NVL: variants seen among roughly 807,000 people sequenced by gnomAD.
NVL encodes the protein nuclear VCP like, also known as nuclear valosin-containing protein-like.
Under a neutral mutation model 110.2 loss-of-function variants are expected in NVL, and 84 were observed. The observed-to-expected ratio is 0.76, with a 90% confidence interval of 0.64 to 0.91. NVL has a LOEUF of 0.91. Among genes scored for constraint, NVL ranks in the 40% least tolerant of loss-of-function variants. The probability of loss-of-function intolerance (pLI) is 0.00; values close to 1 mark genes in which losing one functional copy is unlikely to be tolerated. For synonymous variants in NVL, 354 were observed against 361.1 expected, an observed-to-expected ratio of 0.98 and a Z score of 0.22; for missense variants, 882 against 1,035.9, an observed-to-expected ratio of 0.85 and a Z score of 2.04.
intron 15 of NVL, among the ~76,000 whole-genome samples, chr1:224,282,007 A>C (rs981089302): frequency 1.2e-4 from 18 of 151,430 alleles, no homozygotes; most frequent in Non-Finnish European, 2.2e-4. Context: ...GGATAAAGGG[A>C]AAATCAAAGG....
intron 15 of NVL, among the ~76,000 whole-genome samples, chr1:224,285,659 CAAGA>C (rs1443922993): frequency 1.3e-5 from 2 of 151,576 alleles, no homozygotes; most frequent in Non-Finnish European, 2.9e-5. Flanking sequence ...AAAATAATTA[CAAGA>C]AATATAGAGG....
intron 18 of NVL, among the ~76,000 whole-genome samples, chr1:224,259,361 G>A (rs1200554778): frequency 6.6e-6 from 1 of 152,144 alleles, no homozygotes; most frequent in East Asian, 1.9e-4. Flanking sequence ...AAAGTGCTGG[G>A]ATTACAGGCA....
intron 22 of NVL, 149 bp downstream of exon 22, chr1:224,231,077 G>A (rs927205178): frequency 4.7e-5 from 26 of 558,172 alleles, no homozygotes; most frequent in South Asian, 2.0e-4. Context: ...AGCTTGCAGT[G>A]AGCAGAGATC....
At chr1:224,240,335 C>T (rs1245472195) in intron 19 of NVL, among the ~76,000 whole-genome samples, 2 of 152,136 alleles carry the variant, frequency 1.3e-5, no homozygotes, top group African/African-American at 4.8e-5. Flanking sequence ...TCCCAAAGTG[C>T]TAGGATTACA....
intron 5 of NVL, 72 bp downstream of exon 5, chr1:224,311,728 G>T: frequency 8.4e-7 from 1 of 1,183,498 alleles, no homozygotes; most frequent in Non-Finnish European, 1.3e-6. Flanking sequence ...CTAATACTGA[G>T]TTTTTCAAGG....
At chr1:224,270,220 A>C (rs1664946958) in intron 17 of NVL, among the ~76,000 whole-genome samples, 1 of 152,222 alleles carries the variant, frequency 6.6e-6, no homozygotes, top group Admixed American at 6.5e-5. Context: ...AGACAAACTC[A>C]GAGTCAATAC....
chr1:224,318,125 A>T (rs542345252), intron 2 of NVL, among the ~76,000 whole-genome samples, 195 bp from the exon 3 acceptor site: 1 of 142,224 alleles, frequency 7.0e-6, no homozygotes, highest in East Asian at 2.1e-4. Context: ...CCCCTTTTTT[A>T]AACTAACCTT....
At chr1:224,306,840 A>G (rs80196466) in intron 6 of NVL, among the ~76,000 whole-genome samples, 2,872 of 152,236 alleles carry the variant, frequency 0.019, 30 homozygotes, top group Non-Finnish European at 0.029. Context: ...GTCTCAAACC[A>G]AAAAAAGTAT....
In NVL at chr1:224,287,922, C is replaced by T; in HGVS notation, c.1647G>A (p.Leu549=). ...CAATGAAATCATTCAGTTCAATGCA[C>T]AGTCCTTGCATCTGCTCCTCTGAGA... is the stretch of plus-strand genomic sequence containing the variant. The part of the protein sequence containing the change: ...DPLSEEQMQG[L]CIELNDFIVA... The change falls in exon 14 of 23, where the codon CTG becomes CTA. Residue 549 remains leucine (L), a synonymous_variant. Transcript: ENST00000281701. 6.2e-7 allele frequency: 1 copy of T among 1,614,042 alleles called. No homozygotes were observed. Among genetic ancestry groups the T allele is most frequent in the Non-Finnish European group, 8.5e-7 (1 of 1,180,008 alleles).
chr1:224,322,238 C>T (rs372090191), intron 2 of NVL, among the ~76,000 whole-genome samples: 19 of 148,924 alleles, frequency 1.3e-4, no homozygotes, highest in African/African-American at 4.3e-4. Context: ...GTGCATGCCA[C>T]GCTAATTTTT....
At position 224,308,284 on chromosome 1, in the gene NVL, A is replaced by G. The variant is rs765354953; in HGVS notation, c.343-21T>C. 3.2e-6 allele frequency: 5 copies of G among 1,580,508 alleles called. No homozygotes were observed. The East Asian group carries it at 1.1e-4, about 35-fold the overall frequency. On this transcript the variant is annotated intron_variant, in intron 5 of 22. Coordinates refer to ENST00000281701, the MANE Select transcript of NVL (RefSeq NM_002533.4). Reference sequence around the variant, plus strand: ...GCTGACTGGCAGAAAGATAAAACAAAATTGTAGCATAAATTACTCAACAGG... The same window carrying G: ...GCTGACTGGCAGAAAGATAAAACAAGATTGTAGCATAAATTACTCAACAGG...
At chr1:224,312,044 A>C (rs959701974) in intron 4 of NVL, 187 bp from the exon 5 acceptor site, 6 of 514,924 alleles carry the variant, frequency 1.2e-5, no homozygotes, top group Admixed American at 1.1e-4. Context: ...TCTAAGCGTC[A>C]GCTTCCTTAT....
At chr1:224,311,583 T>TA (rs1442164774) in intron 5 of NVL, among the ~76,000 whole-genome samples, 1 of 151,556 alleles carries the variant, frequency 6.6e-6, no homozygotes, top group African/African-American at 2.4e-5. Flanking sequence ...TGGCCAGACT[T>TA]ATTTTTTCAT....
chr1:224,310,946 T>A (rs547011950), intron 5 of NVL, among the ~76,000 whole-genome samples: 2 of 152,170 alleles, frequency 1.3e-5, no homozygotes, highest in African/African-American at 4.8e-5. Context: ...TTGCCTAGGC[T>A]GGTCTTAAAC....
At chr1:224,267,819 A>G (rs2102820219) in intron 18 of NVL, among the ~76,000 whole-genome samples, 1 of 152,330 alleles carries the variant, frequency 6.6e-6, no homozygotes, top group South Asian at 2.1e-4. Flanking sequence ...GCTTATGCAA[A>G]AGCTTTCTAA....
chr1:224,285,988 TAAGA>T, intron 15 of NVL, 34 bp downstream of exon 15: 1 of 1,459,290 alleles, frequency 6.9e-7, no homozygotes, highest in East Asian at 2.3e-5. Context: ...TATCTGATAC[TAAGA>T]AATAAATTAC....
In NVL at chr1:224,302,594, C is replaced by T. The variant is rs113978964; in HGVS notation, c.960+1129G>A. Among the ~76,000 whole-genome samples, 649 of 152,250 alleles carry T rather than the reference C, an allele frequency of 4.3e-3. 6 individuals carry two copies. Among genetic ancestry groups the T allele is most frequent in the African/African-American group, 0.015 (622 of 41,554 alleles). ...ATCTGAGAGGGTTAAAATAAGATTGCTAACTTTTAATTTCTCAAAGTAAGT... is the reference window on the plus strand; with the variant it reads ...ATCTGAGAGGGTTAAAATAAGATTGTTAACTTTTAATTTCTCAAAGTAAGT... On this transcript the variant is annotated intron_variant, in intron 9 of 22. Coordinates refer to ENST00000281701, the MANE Select transcript of NVL (RefSeq NM_002533.4).
chr1:224,306,273 T>A (rs556018515), intron 6 of NVL, among the ~76,000 whole-genome samples: 7 of 148,404 alleles, frequency 4.7e-5, no homozygotes, highest in South Asian at 4.3e-4. Context: ...TAAAAAAAAA[T>A]TTTTTTTTTT....
At chr1:224,327,074 G>C (rs1391625478) in intron 1 of NVL, among the ~76,000 whole-genome samples, 1 of 152,126 alleles carries the variant, frequency 6.6e-6, no homozygotes, top group Non-Finnish European at 1.5e-5. Context: ...CCCAGACTTA[G>C]AGGTTGCAGT....
Sources: allele counts gnomAD v4.1 joint callset (sites outside exome capture counted in the v4.1 genomes callset), GRCh38; gene constraint gnomAD v4.1.1; transcripts MANE v1.5; gene names NCBI Gene and HGNC (gene_info 2026-07-23, HGNC 2026-07-21).